Variants in PRKN observed in about 807,000 individuals in gnomAD.
PRKN encodes the protein E3 ubiquitin-protein ligase parkin.
In PRKN, 56 loss-of-function variants were observed where a neutral mutation model predicts 59.5. That is an observed-to-expected ratio of 0.94 (90% CI 0.76 to 1.18). The LOEUF is 1.18. Among genes scored for constraint, PRKN ranks in the 50% most tolerant of loss-of-function variants. The pLI is 0.00. For synonymous variants in PRKN, 250 were observed against 222.1 expected, an observed-to-expected ratio of 1.13 and a Z score of -1.12; for missense variants, 657 against 596.4, an observed-to-expected ratio of 1.10 and a Z score of -1.06.
intron 2 of PRKN, among the ~76,000 whole-genome samples, chr6:162,439,470 G>T (rs146324353): frequency 6.6e-6 from 1 of 151,678 alleles, no homozygotes; most frequent in Non-Finnish European, 1.5e-5. Flanking sequence ...CTGAGGTAAC[G>T]TAGCAAAAAG....
intron 6 of PRKN, among the ~76,000 whole-genome samples, chr6:161,796,981 G>T (rs1251855180): frequency 6.6e-6 from 1 of 152,192 alleles, no homozygotes; most frequent in East Asian, 1.9e-4. Flanking sequence ...GTTTGGATAA[G>T]AACCCCACTG....
rs141366047 is a variant in PRKN, at chr6:161,785,829, G to T, written c.814C>A (p.Leu272Ile). Residue 272 changes from leucine to isoleucine, a missense_variant, in exon 7 of 12, where the codon CTC becomes ATC. Coordinates refer to ENST00000366898, the MANE Select transcript of PRKN (RefSeq NM_004562.3). ...DCFHLYCVTR[L>I]NDRQFVHDPQ... ...TCGTGAACAAACTGCCGATCATTGA[G>T]TCTTGTCACACAGTATAAGTGGAAA... The T allele has an allele frequency of 2.1e-4, 339 of 1,614,122 alleles. 2 individuals carry two copies. In the East Asian group the frequency reaches 7.5e-3, roughly 36 times the overall value.
In PRKN at chr6:162,292,678, T is replaced by C. The variant is rs547305380; in HGVS notation, c.172-29913A>G. ...AGGTGGATACCCACAGGATGTGTGA[T>C]GGGGTCTGGATGAGAGCAGCTGGGT... is the stretch of plus-strand genomic sequence containing the variant. On this transcript the variant is annotated intron_variant, in intron 2 of 11. Coordinates refer to ENST00000366898, the MANE Select transcript of PRKN (RefSeq NM_004562.3). 7.2e-5 allele frequency among the ~76,000 whole-genome samples: 11 copies of C among 152,336 alleles called. 1 individual carries two copies. The East Asian group carries it at 2.1e-3, about 29-fold the overall frequency.
intron 3 of PRKN, among the ~76,000 whole-genome samples, chr6:162,215,110 C>T (rs149211352): frequency 6.6e-6 from 1 of 152,170 alleles, no homozygotes; most frequent in Non-Finnish European, 1.5e-5. Flanking sequence ...ATCCCCTCCC[C>T]CTAAATGCCC....
intron 1 of PRKN, among the ~76,000 whole-genome samples, chr6:162,678,689 T>A (rs917450507): frequency 2.0e-5 from 3 of 152,208 alleles, no homozygotes; most frequent in Non-Finnish European, 4.4e-5. Flanking sequence ...ATAGTCTAAA[T>A]ATAACTCCTT....
At chr6:162,540,422 A>G (rs1363535994) in intron 1 of PRKN, among the ~76,000 whole-genome samples, 2 of 152,104 alleles carry the variant, frequency 1.3e-5, no homozygotes, top group Admixed American at 1.3e-4. Context: ...TACAACCCCA[A>G]TAATATAGGT....
rs9458296 is a variant in PRKN at position 161,530,767 on chromosome 6, A to C, written c.1083+18087T>G. 0.84 allele frequency among the ~76,000 whole-genome samples: 127,362 copies of C among 151,906 alleles called. 53,626 individuals are homozygous for C. The highest frequency in any genetic ancestry group is 0.87 in the Middle Eastern group (255 of 292). On this transcript the variant is annotated intron_variant, in intron 9 of 11. Transcript: ENST00000366898. This position sits in a 1 kb window ranked among gnomAD's most constrained non-coding sequence, Gnocchi z 5.0. ...TCCTGACCTCAGGTGATCCGCCCGT[A>C]TTGGCCTCCCAAAGTGCTGGGATTA...
At chr6:161,871,090 T>C (rs1391097320) in intron 6 of PRKN, among the ~76,000 whole-genome samples, 1 of 150,096 alleles carries the variant, frequency 6.7e-6, no homozygotes, top group Admixed American at 6.7e-5. Context: ...AAAATAAGAA[T>C]AAGAGGGAAA....
At chr6:161,597,009 C>T (rs1009888117) in intron 7 of PRKN, among the ~76,000 whole-genome samples, 3 of 152,122 alleles carry the variant, frequency 2.0e-5, no homozygotes, top group South Asian at 4.1e-4. Context: ...TGAAAAGTAC[C>T]GGGAAGACTG....
rs543042077 is a variant in PRKN at position 161,400,818 on chromosome 6, T to C, written c.1084-13941A>G. On this transcript the variant is annotated intron_variant, in intron 9 of 11. Coordinates refer to ENST00000366898, the MANE Select transcript of PRKN (RefSeq NM_004562.3). This position sits in a 1 kb window ranked among gnomAD's most constrained non-coding sequence, Gnocchi z 4.2. ...CCCTGCAGTGAGAGCATATGAATTT[T>C]TCTGCCACACACTCTGAGTCATTTG... 8.5e-5 allele frequency among the ~76,000 whole-genome samples: 13 copies of C among 152,268 alleles called. No individual in the cohort carries two copies. The South Asian group carries it at 2.7e-3, about 32-fold the overall frequency.
intron 2 of PRKN, among the ~76,000 whole-genome samples, chr6:162,273,918 T>A (rs1405142155): frequency 1.3e-5 from 2 of 152,180 alleles, no homozygotes; most frequent in East Asian, 3.9e-4. Flanking sequence ...AAATCTCAGA[T>A]ATCATATTAT....
Position 162,207,456 on chromosome 6 carries a change from G to T in PRKN, c.413-6204C>A, listed in dbSNP as rs756674612. On this transcript the variant is annotated intron_variant, in intron 3 of 11. Transcript: ENST00000366898. ...GGGGAAAAGTTGCTAAACTGGGCAG[G>T]TCAAACACGGAGGCTTCATTATCTC... 2.6e-5 allele frequency among the ~76,000 whole-genome samples: 4 copies of T among 152,170 alleles called. No homozygotes were observed. In the South Asian group the frequency reaches 6.2e-4, roughly 24 times the overall value.
In PRKN at chr6:162,146,531, G is replaced by A. The variant is rs544658433; in HGVS notation, c.534+54600C>T. On this transcript the variant is annotated intron_variant, in intron 4 of 11. Coordinates refer to ENST00000366898, the MANE Select transcript of PRKN (RefSeq NM_004562.3). Reference sequence around the variant, plus strand: ...ATATAAATTTTTTTTTTCTGAGACCGTCTTGCTCAGTCACGCAAGCAGGAA... The same window carrying A: ...ATATAAATTTTTTTTTTCTGAGACCATCTTGCTCAGTCACGCAAGCAGGAA... 1.3e-4 allele frequency among the ~76,000 whole-genome samples: 19 copies of A among 149,424 alleles called. No individual in the cohort carries two copies. The South Asian group carries it at 3.6e-3, about 28-fold the overall frequency.
intron 7 of PRKN, among the ~76,000 whole-genome samples, chr6:161,577,630 G>A (rs1035691447): frequency 6.6e-6 from 1 of 152,168 alleles, no homozygotes; most frequent in African/African-American, 2.4e-5. Context: ...TTTCTTACTT[G>A]TAGATGAGGC....
At chr6:161,680,808 T>C (rs1160796859) in intron 7 of PRKN, among the ~76,000 whole-genome samples, 2 of 132,668 alleles carry the variant, frequency 1.5e-5, no homozygotes, top group Admixed American at 8.2e-5. Flanking sequence ...TAAAACAACA[T>C]GGAAAGGTAC....
chr6:162,339,756 A>G (rs1013136463), intron 2 of PRKN, among the ~76,000 whole-genome samples: 16 of 151,916 alleles, frequency 1.1e-4, no homozygotes, highest in African/African-American at 1.2e-4. Flanking sequence ...TGTAGAAAGA[A>G]GTAGACATGG....
intron 4 of PRKN, among the ~76,000 whole-genome samples, chr6:162,169,476 T>G (rs1156762509): frequency 7.3e-6 from 1 of 137,382 alleles, no homozygotes; most frequent in Non-Finnish European, 1.7e-5. Context: ...TCTTAAAAAT[T>G]TATCACATGT....
chr6:161,908,183 A>G (rs1260687755), intron 6 of PRKN, among the ~76,000 whole-genome samples: 1 of 152,232 alleles, frequency 6.6e-6, no homozygotes, highest in African/African-American at 2.4e-5. Context: ...TGTGAACAGC[A>G]GTATTCAATC....
rs924490844 is a variant in PRKN at position 161,451,312 on chromosome 6, C to T, written c.1084-64435G>A. Among the ~76,000 whole-genome samples the T allele has an allele frequency of 6.6e-6, 1 of 152,200 alleles. No homozygotes were observed. ...TTCAATGACTTCCACGAGAAGACCT[C>T]TCTGGAGAGGTCTGAACATTGTCTT... On this transcript the variant is annotated intron_variant, in intron 9 of 11. Transcript: ENST00000366898. The surrounding 1 kb of genome is among the most constrained non-coding windows in gnomAD (Gnocchi z 5.9).
Sources: gnomAD v4.1 joint callset for allele counts (sites outside exome capture counted in the v4.1 genomes callset) on GRCh38, gnomAD v4.1.1 for gene constraint, Gnocchi (gnomAD v3.1) non-coding constraint, MANE v1.5 for transcripts, NCBI Gene and HGNC (gene_info 2026-07-23, HGNC 2026-07-21) for gene names.